The following B3GALT1 variants were observed in gnomAD, a reference collection of about 807,000 sequenced individuals.
B3GALT1 encodes the protein UDP-Gal:betaGlcNAc beta 1,3-galactosyltransferase, polypeptide 1.
B3GALT1 carries 10 observed loss-of-function variants against 23.2 expected under a neutral mutation model. The observed-to-expected ratio is 0.43, with a 90% CI of 0.27 to 0.73. B3GALT1 has a LOEUF of 0.73. B3GALT1 is among the 30% of genes least tolerant of loss of function. The pLI, the probability that B3GALT1 is intolerant of heterozygous loss-of-function variation, is 0.21. For missense variants in B3GALT1, 299 were observed against 405.4 expected (o/e 0.74, Z 2.25); for synonymous variants, 156 against 141.5 (o/e 1.10, Z -0.73).
At chr2:167,357,377 ATAT>A (rs1240838923) in intron 1 of B3GALT1, among the ~76,000 whole-genome samples, 1 of 152,122 alleles carries the variant, frequency 6.6e-6, no homozygotes, top group African/African-American at 2.4e-5. Flanking sequence ...ATTTTAAAAA[ATAT>A]TATTCCTTTA....
chr2:167,410,414 C>T (rs540109663), intron 1 of B3GALT1, among the ~76,000 whole-genome samples: 2 of 150,432 alleles, frequency 1.3e-5, no homozygotes, highest in Non-Finnish European at 2.9e-5. Context: ...TGGTGTGAAC[C>T]TGGGAGGCGG....
chr2:167,618,489 G>A (rs1286384857), intron 2 of B3GALT1, among the ~76,000 whole-genome samples: 1 of 151,794 alleles, frequency 6.6e-6, no homozygotes, highest in Admixed American at 6.6e-5. Context: ...CAAAAACAGA[G>A]ACATTTTCTT....
intron 2 of B3GALT1, among the ~76,000 whole-genome samples, chr2:167,632,179 TTATC>T (rs559228191): frequency 4.7e-4 from 71 of 152,272 alleles, no homozygotes; most frequent in African/African-American, 1.6e-3. Flanking sequence ...CACATTTTCT[TTATC>T]TAGTCTATCA....
intron 1 of B3GALT1, among the ~76,000 whole-genome samples, chr2:167,372,554 G>T (rs1697703054): frequency 6.6e-6 from 1 of 151,722 alleles, no homozygotes; most frequent in Admixed American, 6.6e-5. Flanking sequence ...AATGAAGAAA[G>T]AATAAAAACA....
chr2:167,445,514 G>T (rs1380318312), intron 1 of B3GALT1, among the ~76,000 whole-genome samples: 2 of 152,114 alleles, frequency 1.3e-5, no homozygotes, highest in South Asian at 2.1e-4. Flanking sequence ...CTCTTTGTAG[G>T]TCTCTAAAGA....
intron 2 of B3GALT1, among the ~76,000 whole-genome samples, chr2:167,585,507 C>G (rs1226442798): frequency 1.3e-5 from 2 of 152,168 alleles, no homozygotes; most frequent in Non-Finnish European, 2.9e-5. Context: ...TTAGATATAA[C>G]TACACACCCA....
chr2:167,763,444 C>T (rs1166704953), intron 3 of B3GALT1, among the ~76,000 whole-genome samples: 1 of 152,030 alleles, frequency 6.6e-6, no homozygotes, highest in Non-Finnish European at 1.5e-5. Flanking sequence ...GACTGGACAG[C>T]ATCTGTTGAG....
chr2:167,345,867 G>C (rs1225367175), intron 1 of B3GALT1, among the ~76,000 whole-genome samples: 1 of 152,080 alleles, frequency 6.6e-6, no homozygotes, highest in African/African-American at 2.4e-5. Context: ...ACAATTCTTT[G>C]TGAGAGTTTT....
At chr2:167,410,743 G>C (rs763211846) in intron 1 of B3GALT1, among the ~76,000 whole-genome samples, 1 of 151,902 alleles carries the variant, frequency 6.6e-6, no homozygotes, top group Non-Finnish European at 1.5e-5. Flanking sequence ...AGAACTTAAA[G>C]TAAAAAAATA....
At chr2:167,477,720 A>G (rs1431219020) in intron 1 of B3GALT1, among the ~76,000 whole-genome samples, 2 of 152,180 alleles carry the variant, frequency 1.3e-5, no homozygotes, top group African/African-American at 2.4e-5. Flanking sequence ...TTGTCAATGT[A>G]CCTTGGTGTC....
At chr2:167,608,358 T>C (rs1336805518) in intron 2 of B3GALT1, among the ~76,000 whole-genome samples, 1 of 152,196 alleles carries the variant, frequency 6.6e-6, no homozygotes, top group African/African-American at 2.4e-5. Flanking sequence ...ATTTGGCGTA[T>C]AGCATAACTT....
At chr2:167,650,669 A>G (rs1331153269) in intron 3 of B3GALT1, among the ~76,000 whole-genome samples, 1 of 151,942 alleles carries the variant, frequency 6.6e-6, no homozygotes, top group Admixed American at 6.6e-5. Flanking sequence ...CTTTGCTTGG[A>G]GGTTTTTGAT....
At chr2:167,696,623 C>G (rs976807633) in intron 3 of B3GALT1, among the ~76,000 whole-genome samples, 2 of 152,162 alleles carry the variant, frequency 1.3e-5, no homozygotes, top group Non-Finnish European at 2.9e-5. Context: ...ACTTTTCCCA[C>G]TTTGCCAACC....
At chr2:167,628,180 C>T (rs1685377378) in intron 2 of B3GALT1, among the ~76,000 whole-genome samples, 1 of 151,654 alleles carries the variant, frequency 6.6e-6, no homozygotes, top group South Asian at 2.1e-4. Flanking sequence ...TAACAGTGTA[C>T]ATTGTGTTTT....
At chr2:167,587,162 A>G (rs547822492) in intron 2 of B3GALT1, among the ~76,000 whole-genome samples, 2 of 152,256 alleles carry the variant, frequency 1.3e-5, no homozygotes, top group South Asian at 2.1e-4. Context: ...TCCTAACTAT[A>G]TACTGTGCTG....
intron 3 of B3GALT1, among the ~76,000 whole-genome samples, chr2:167,735,240 A>G (rs937857597): frequency 6.6e-6 from 1 of 152,246 alleles, no homozygotes; most frequent in African/African-American, 2.4e-5. Flanking sequence ...TGATAGTGCA[A>G]AGAGCCCCTG....
At chr2:167,836,579 T>C (rs1175535798) in intron 4 of B3GALT1, among the ~76,000 whole-genome samples, 1 of 152,082 alleles carries the variant, frequency 6.6e-6, no homozygotes, top group South Asian at 2.1e-4. Flanking sequence ...ATGGGGAGAA[T>C]GGAACCAAGT....
chr2:167,749,333 C>G (rs1475292715), intron 3 of B3GALT1, among the ~76,000 whole-genome samples: 1 of 152,154 alleles, frequency 6.6e-6, no homozygotes, highest in Non-Finnish European at 1.5e-5. Context: ...ATCTTCCTGC[C>G]CATCTGTTTC....
At chr2:167,310,273 T>C (rs954596231) in intron 1 of B3GALT1, among the ~76,000 whole-genome samples, 1 of 152,048 alleles carries the variant, frequency 6.6e-6, no homozygotes, top group Non-Finnish European at 1.5e-5. Context: ...TGAGCCAGTA[T>C]CTCCCTTGAC....
Sources: allele counts gnomAD v4.1 joint callset (sites outside exome capture counted in the v4.1 genomes callset), GRCh38; gene constraint gnomAD v4.1.1; transcripts MANE v1.5; gene names NCBI Gene and HGNC (gene_info 2026-07-23, HGNC 2026-07-21).